Variants in KAZN observed in about 807,000 individuals in gnomAD.
KAZN encodes the protein kazrin.
In KAZN, 40 loss-of-function variants were observed where a neutral mutation model predicts 87.4. That is an observed-to-expected ratio of 0.46 (90% CI 0.36 to 0.60). The LOEUF (loss-of-function observed/expected upper bound fraction) is 0.60. Among genes scored for constraint, KAZN ranks in the 20% least tolerant of loss-of-function variants. The probability of loss-of-function intolerance (pLI) is 0.00; values close to 1 mark genes in which losing one functional copy is unlikely to be tolerated. For missense variants in KAZN, 898 were observed against 1,073.9 expected (o/e 0.84, Z 2.29); for synonymous variants, 466 against 458.3 (o/e 1.02, Z -0.22).
At chr1:14,254,812 A>C (rs905469846) in intron 2 of KAZN, among the ~76,000 whole-genome samples, 1 of 152,170 alleles carries the variant, frequency 6.6e-6, no homozygotes, top group Non-Finnish European at 1.5e-5. Flanking sequence ...GAAGCTTACA[A>C]GCATGGCAGA....
At chr1:14,606,907 T>G (rs189776358) in intron 1 of KAZN, among the ~76,000 whole-genome samples, 1 of 152,290 alleles carries the variant, frequency 6.6e-6, no homozygotes, top group Admixed American at 6.5e-5. Flanking sequence ...CAGGTCAAAA[T>G]TATCCCTGGT....
chr1:14,476,791 C>A (rs1029671698), intron 2 of KAZN, among the ~76,000 whole-genome samples: 2 of 152,146 alleles, frequency 1.3e-5, no homozygotes, highest in African/African-American at 4.8e-5. Flanking sequence ...CTTTGCTGCA[C>A]CCACAGGATC....
At chr1:14,519,145 T>A (rs1468346673) in intron 2 of KAZN, among the ~76,000 whole-genome samples, 4 of 151,780 alleles carry the variant, frequency 2.6e-5, no homozygotes, top group Non-Finnish European at 5.9e-5. Context: ...ATTGGAAATT[T>A]TTAAAAAAAA....
At chr1:15,085,379 G>A (rs1057425954) in intron 8 of KAZN, among the ~76,000 whole-genome samples, 16 of 152,196 alleles carry the variant, frequency 1.1e-4, no homozygotes, top group African/African-American at 3.9e-4. Flanking sequence ...CCAGGCTAGA[G>A]TGCAGTGGCA....
At chr1:14,753,793 A>C (rs1644478829) in intron 1 of KAZN, among the ~76,000 whole-genome samples, 1 of 152,188 alleles carries the variant, frequency 6.6e-6, no homozygotes, top group Non-Finnish European at 1.5e-5. Context: ...ACTAGAATGC[A>C]TATGCCCAGT....
At chr1:14,363,969 T>A (rs774224015) in intron 2 of KAZN, among the ~76,000 whole-genome samples, 15 of 15,938 alleles carry the variant, frequency 9.4e-4, no homozygotes, top group South Asian at 2.6e-3. Flanking sequence ...CTCACAATAT[T>A]TTTTTTTTTT....
At chr1:14,657,844 G>A (rs751584418) in intron 1 of KAZN, among the ~76,000 whole-genome samples, 1 of 152,078 alleles carries the variant, frequency 6.6e-6, no homozygotes. Context: ...CCTAGTGTTT[G>A]TTTGTTTGTT....
chr1:15,015,176 C>A (rs577474910), intron 2 of KAZN, among the ~76,000 whole-genome samples: 1 of 148,030 alleles, frequency 6.8e-6, no homozygotes. Flanking sequence ...TTATTTGAGA[C>A]GGAGTCTCAC....
Position 14,735,924 on chromosome 1 carries a change from A to G in KAZN, c.226+136701A>G, listed in dbSNP as rs914195820. On this transcript the variant is annotated intron_variant, in intron 1 of 14. Transcript: ENST00000376030. The surrounding 1 kb of genome is among the most constrained non-coding windows in gnomAD (Gnocchi z 4.3). ...TCTCCACCTGTGGCCATAGAAGAAT[A>G]AAAGCTTTGGGGGGAATGTGGAGCC... Among the ~76,000 whole-genome samples, 1 of 152,202 alleles carries G rather than the reference A, an allele frequency of 6.6e-6. No individual in the cohort carries two copies. Among genetic ancestry groups the G allele is most frequent in the African/African-American group, 2.4e-5 (1 of 41,442 alleles).
At chr1:14,912,120 G>A (rs1405318869) in intron 1 of KAZN, among the ~76,000 whole-genome samples, 1 of 134,896 alleles carries the variant, frequency 7.4e-6, no homozygotes. Flanking sequence ...ACTCCAGCCT[G>A]GGTAACAGAG....
intron 2 of KAZN, among the ~76,000 whole-genome samples, chr1:14,257,186 A>T (rs1028190067): frequency 6.6e-6 from 1 of 152,044 alleles, no homozygotes; most frequent in Non-Finnish European, 1.5e-5. Flanking sequence ...ATGATATCTC[A>T]TAGTGGTTTT....
chr1:14,505,973 C>CA (rs35203610), intron 2 of KAZN, among the ~76,000 whole-genome samples: 19 of 148,054 alleles, frequency 1.3e-4, no homozygotes, highest in Middle Eastern at 3.4e-3. Flanking sequence ...GACTCCATCT[C>CA]AAAAAAAAAA....
chr1:14,747,799 G>A (rs1644303263), intron 1 of KAZN, among the ~76,000 whole-genome samples: 3 of 152,232 alleles, frequency 2.0e-5, no homozygotes, highest in African/African-American at 7.2e-5. Flanking sequence ...TTTCCACAGC[G>A]GCTGCACCAT....
At chr1:14,017,172 G>A (rs1175447940) in intron 1 of KAZN, among the ~76,000 whole-genome samples, 4 of 152,038 alleles carry the variant, frequency 2.6e-5, no homozygotes, top group African/African-American at 7.2e-5. Flanking sequence ...TCTCAATGAC[G>A]TTCTGCCAAT....
chr1:14,590,242 T>C (rs1676112200), intron 2 of KAZN, among the ~76,000 whole-genome samples: 1 of 152,178 alleles, frequency 6.6e-6, no homozygotes, highest in Non-Finnish European at 1.5e-5. Context: ...TACCATTTTA[T>C]GAGCCAAAAG....
At chr1:15,049,448 C>G (rs1674061534) in intron 4 of KAZN, among the ~76,000 whole-genome samples, 2 of 152,290 alleles carry the variant, frequency 1.3e-5, no homozygotes, top group Admixed American at 1.3e-4. Context: ...TCCCTGGCCT[C>G]CACCCACCAG....
At chr1:14,402,406 C>T (rs1663493307) in intron 2 of KAZN, among the ~76,000 whole-genome samples, 1 of 151,796 alleles carries the variant, frequency 6.6e-6, no homozygotes, top group Non-Finnish European at 1.5e-5. Flanking sequence ...ATGATCTAAG[C>T]TATCTAAAAA....
rs28475232 is a variant in KAZN at position 14,686,119 on chromosome 1, A to C, written c.226+86896A>C. On this transcript the variant is annotated intron_variant, in intron 1 of 14. Transcript: ENST00000376030. The stretch of plus-strand genomic sequence containing the variant: ...GAGTCTCTCTCTGTTGCCAGGCTGG[A>C]GTGCAGTGGCGTGATCTCAGCTCAC... 9.1e-3 allele frequency among the ~76,000 whole-genome samples: 1,389 copies of C among 152,188 alleles called. 28 individuals are homozygous for C. Among genetic ancestry groups the C allele is most frequent in the African/African-American group, 0.032 (1,315 of 41,518 alleles).
chr1:14,422,441 A>G (rs1344726041), intron 2 of KAZN, among the ~76,000 whole-genome samples: 4 of 152,232 alleles, frequency 2.6e-5, no homozygotes, highest in African/African-American at 9.6e-5. Flanking sequence ...TACGCAGCGC[A>G]TAAGACACTT....
Sources: allele counts gnomAD v4.1 joint callset (sites outside exome capture counted in the v4.1 genomes callset), GRCh38; gene constraint gnomAD v4.1.1; non-coding constraint Gnocchi (gnomAD v3.1); transcripts MANE v1.5; gene names NCBI Gene and HGNC (gene_info 2026-07-23, HGNC 2026-07-21).